ADAM12: variants seen among roughly 807,000 people sequenced by gnomAD.
The protein encoded by ADAM12 is ADAM metallopeptidase domain 12.
ADAM12 carries 70 observed loss-of-function variants against 106.4 expected under a neutral mutation model. The observed-to-expected ratio is 0.66, with a 90% CI of 0.54 to 0.80. ADAM12 has a LOEUF of 0.80. ADAM12 is among the 30% of genes least tolerant of loss of function. The probability of loss-of-function intolerance (pLI) is 0.00; values close to 1 mark genes in which losing one functional copy is unlikely to be tolerated. For synonymous variants in ADAM12, 420 were observed against 433.5 expected, an observed-to-expected ratio of 0.97 and a Z score of 0.39; for missense variants, 1,010 against 1,171.9, an observed-to-expected ratio of 0.86 and a Z score of 2.02.
intron 21 of ADAM12, among the ~76,000 whole-genome samples, chr10:126,030,886 T>G (rs1224680757): frequency 6.6e-6 from 1 of 152,224 alleles, no homozygotes; most frequent in Admixed American, 6.5e-5. Flanking sequence ...GATGGCGCCA[T>G]GGAGAATGAC....
At chr10:126,366,866 C>T (rs975396638) in intron 1 of ADAM12, among the ~76,000 whole-genome samples, 11 of 151,968 alleles carry the variant, frequency 7.2e-5, no homozygotes, top group African/African-American at 1.7e-4. Flanking sequence ...CAGGTCAATT[C>T]GTCAAGAAGA....
intron 2 of ADAM12, among the ~76,000 whole-genome samples, chr10:126,297,730 G>T (rs1424139127): frequency 6.6e-6 from 1 of 152,210 alleles, no homozygotes; most frequent in African/African-American, 2.4e-5. Context: ...AATGGTATTT[G>T]AAAGCAATGT....
chr10:126,044,377 A>G (rs988528940), intron 17 of ADAM12, among the ~76,000 whole-genome samples: 2 of 152,334 alleles, frequency 1.3e-5, no homozygotes, highest in East Asian at 3.9e-4. Flanking sequence ...ATTAGGAATG[A>G]GTGGGACTAC....
chr10:126,096,309 C>A (rs747239402), intron 10 of ADAM12, among the ~76,000 whole-genome samples: 1 of 152,210 alleles, frequency 6.6e-6, no homozygotes, highest in Non-Finnish European at 1.5e-5. Flanking sequence ...GTTTTACATT[C>A]TTTCATGCAT....
At chr10:126,270,752 G>A (rs1459148333) in intron 3 of ADAM12, among the ~76,000 whole-genome samples, 1 of 152,156 alleles carries the variant, frequency 6.6e-6, no homozygotes, top group Non-Finnish European at 1.5e-5. Flanking sequence ...GAGGGCAGGA[G>A]TCCATGTGTG....
intron 11 of ADAM12, 53 bp from the exon 12 acceptor site, chr10:126,071,707 C>G (rs894349513): frequency 1.9e-6 from 3 of 1,593,818 alleles, no homozygotes; most frequent in Admixed American, 1.7e-5. Flanking sequence ...ATGGCTTTGT[C>G]TGCCCTTCTT....
intron 2 of ADAM12, among the ~76,000 whole-genome samples, chr10:126,319,540 C>T (rs763107494): frequency 2.0e-5 from 3 of 152,126 alleles, no homozygotes; most frequent in Admixed American, 6.6e-5. Flanking sequence ...TCCCCAAAAC[C>T]GTCTAGGTCA....
intron 4 of ADAM12, among the ~76,000 whole-genome samples, chr10:126,140,627 G>A (rs1243030231): frequency 1.3e-5 from 2 of 152,206 alleles, no homozygotes; most frequent in Non-Finnish European, 2.9e-5. Flanking sequence ...TCCTGACAGT[G>A]ATTAACTTCT....
chr10:126,309,627 T>A (rs1960994640), intron 2 of ADAM12, among the ~76,000 whole-genome samples: 1 of 152,198 alleles, frequency 6.6e-6, no homozygotes, highest in African/African-American at 2.4e-5. Flanking sequence ...CCTATTGCAT[T>A]ACACTGAGTG....
At chr10:126,113,809 AG>A (rs1301065430) in intron 6 of ADAM12, among the ~76,000 whole-genome samples, 3 of 145,366 alleles carry the variant, frequency 2.1e-5, no homozygotes, top group Non-Finnish European at 3.0e-5. Flanking sequence ...CTGAGAGTGC[AG>A]CAAGGAGGCC....
At position 126,066,626 on chromosome 10, in the gene ADAM12, C is replaced by T. The variant is rs1954874179; in HGVS notation, c.1413+91G>A. On this transcript the variant is annotated intron_variant, in intron 13 of 22. Transcript: ENST00000448723. The surrounding 1 kb of genome is among the most constrained non-coding windows in gnomAD (Gnocchi z 5.1). ...GCGTGCTGTGGTGAGTGCTGGGAAA[C>T]CTTCCAGCCACACTGCTTGCCCTGC... The T allele has an allele frequency of 4.4e-5, 56 of 1,282,832 alleles. No individual in the cohort carries two copies. In the South Asian group the frequency reaches 5.9e-4, roughly 14 times the overall value. 79.5% of individuals were successfully genotyped at this position (1,282,832 alleles called of 1,614,324 possible).
At chr10:126,130,820 T>C (rs1197212266) in intron 5 of ADAM12, among the ~76,000 whole-genome samples, 1 of 152,198 alleles carries the variant, frequency 6.6e-6, no homozygotes, top group Non-Finnish European at 1.5e-5. Context: ...GATATTACTC[T>C]AGGAATACCT....
Position 126,101,160 on chromosome 10 carries a change from C to T in ADAM12, c.823G>A (p.Asp275Asn). ...NDMDKCSVSQ[D>N]PFTSLHEFLD... ...AATTCATGGAGGCTGGTGAATGGGT[C>T]CTGACTTACAGAGCATTTGTCCATG... The change falls in exon 9 of 23, where the codon GAC becomes AAC. Residue 275 changes from aspartate (D) to asparagine (N), a missense_variant. By Grantham distance (23) the Asp-to-Asn change is conservative (BLOSUM62 1). Coordinates refer to ENST00000448723, the MANE Select transcript of ADAM12 (RefSeq NM_001288973.2). The T allele has an allele frequency of 6.2e-7, 1 of 1,614,122 alleles. No individual in the cohort carries two copies. Among genetic ancestry groups the T allele is most frequent in the Non-Finnish European group, 8.5e-7 (1 of 1,180,004 alleles).
Position 126,155,246 on chromosome 10 carries a change from G to C in ADAM12, c.320C>G (p.Ser107Cys), listed in dbSNP as rs1190792184. The change falls in exon 4 of 23, where the codon TCC (serine) becomes TGC (cysteine). Residue 107 changes from serine (S) to cysteine (C), a missense_variant. Ser to Cys is a moderately radical substitution (Grantham distance 112). Coordinates refer to ENST00000448723, the MANE Select transcript of ADAM12 (RefSeq NM_001288973.2). ...THYLQDGTDV[S>C]LARNYTGHCY... ...AATTACCGTGTAATTTCGAGCGAGG[G>C]AGACATCAGTACCGTCTTGCAGATA... 1 of 1,614,130 alleles carries C rather than the reference G, an allele frequency of 6.2e-7. No homozygotes were observed. Among genetic ancestry groups the C allele is most frequent in the Non-Finnish European group, 8.5e-7 (1 of 1,179,984 alleles).
intron 5 of ADAM12, among the ~76,000 whole-genome samples, chr10:126,130,177 A>G (rs1590463793): frequency 1.6e-5 from 2 of 128,526 alleles, no homozygotes; most frequent in South Asian, 2.6e-4. Context: ...GGCTGGGGCT[A>G]CTCTAGTTGC....
At chr10:126,068,967 T>A (rs148556237) in intron 12 of ADAM12, among the ~76,000 whole-genome samples, 2 of 152,296 alleles carry the variant, frequency 1.3e-5, no homozygotes, top group East Asian at 3.9e-4. Flanking sequence ...GAGAAGCTGG[T>A]TTCCATTGGG....
At chr10:126,201,702 G>A (rs1344996969) in intron 3 of ADAM12, among the ~76,000 whole-genome samples, 1 of 152,150 alleles carries the variant, frequency 6.6e-6, no homozygotes, top group Non-Finnish European at 1.5e-5. Context: ...TGGTGACAAG[G>A]AACAGAGCTG....
intron 3 of ADAM12, among the ~76,000 whole-genome samples, chr10:126,217,694 C>T (rs1194344398): frequency 1.4e-5 from 2 of 147,374 alleles, no homozygotes; most frequent in East Asian, 4.2e-4. Context: ...ATATTTTGGC[C>T]AGGCATGGTG....
chr10:126,117,666 TGCTTGTCATGGTG>T (rs1222794123), intron 6 of ADAM12, among the ~76,000 whole-genome samples: 2 of 149,142 alleles, frequency 1.3e-5, no homozygotes, highest in Non-Finnish European at 3.0e-5. Context: ...AATCTTGTCT[TGCTTGTCATGGTG>T]GCGCCCAACC....
Sources: gnomAD v4.1 joint callset for allele counts (sites outside exome capture counted in the v4.1 genomes callset) on GRCh38, gnomAD v4.1.1 for gene constraint, Gnocchi (gnomAD v3.1) non-coding constraint, MANE v1.5 for transcripts, NCBI Gene and HGNC (gene_info 2026-07-23, HGNC 2026-07-21) for gene names.